The following AFF1 variants were observed in gnomAD, a reference collection of about 807,000 sequenced individuals.
AFF1 encodes the protein AF4/FMR2 family member 1.
In AFF1, 48 loss-of-function variants were observed where a neutral mutation model predicts 121.7. The ratio of observed to expected loss-of-function variants is 0.39; its 90% CI spans 0.31 to 0.50. The LOEUF (loss-of-function observed/expected upper bound fraction) is 0.50, where lower values mean the gene tolerates loss of function less well. AFF1 is among the 20% of genes least tolerant of loss of function. The pLI is 0.76. For missense variants in AFF1, 1,523 were observed against 1,511.7 expected (o/e 1.01, Z -0.12); for synonymous variants, 613 against 563.0 (o/e 1.09, Z -1.26).
intron 2 of AFF1, among the ~76,000 whole-genome samples, chr4:87,032,075 G>A (rs953189752): frequency 6.6e-6 from 1 of 152,200 alleles, no homozygotes; most frequent in Non-Finnish European, 1.5e-5. Flanking sequence ...GACAAGCTTT[G>A]TAAGGCTCAC....
rs763452108 is a variant in AFF1 at position 87,047,185 on chromosome 4, C to A, written c.650C>A (p.Pro217His). 1.2e-6 allele frequency: 2 copies of A among 1,614,082 alleles called. No homozygotes were observed. The highest frequency in any genetic ancestry group is 1.7e-6 in the Non-Finnish European group (2 of 1,180,042). Residue 217 changes from proline to histidine, a missense_variant, in exon 4 of 21, where the codon CCT becomes CAT. Physicochemically the swap from Pro to His is moderately conservative, Grantham distance 77 (BLOSUM62 -2). This residue lies in a region of AFF1 where 369 missense variants were observed against 367.2 expected (regional missense o/e 1.00). Transcript: ENST00000395146. ...PLISLPSPVP[P>H]LSPIHSNQQT... is the part of the protein sequence containing the mutation. ...ATCTCTTTGCCTTCCCCAGTTCCCC[C>A]TTTGTCACCTATACATTCCAACCAG...
At chr4:87,067,740 CAT>C (rs1192907226) in intron 4 of AFF1, among the ~76,000 whole-genome samples, 8 of 152,140 alleles carry the variant, frequency 5.3e-5, no homozygotes, top group Admixed American at 2.0e-4. Context: ...TCTTTGGAAA[CAT>C]GTGTTTCTAA....
At chr4:87,044,485 T>C (rs1417261814) in intron 2 of AFF1, among the ~76,000 whole-genome samples, 2 of 152,196 alleles carry the variant, frequency 1.3e-5, no homozygotes, top group African/African-American at 4.8e-5. Flanking sequence ...GGTAAGCACA[T>C]ACTTGGTGGA....
At chr4:87,126,050 T>C in intron 13 of AFF1, 49 bp from the exon 14 acceptor site, 1 of 1,564,568 alleles carries the variant, frequency 6.4e-7, no homozygotes, top group Non-Finnish European at 8.8e-7. Context: ...ACGAAGCCGC[T>C]TGATGTGTAC....
chr4:87,098,123 A>C (rs1725056844), intron 8 of AFF1, among the ~76,000 whole-genome samples: 1 of 152,206 alleles, frequency 6.6e-6, no homozygotes, highest in Non-Finnish European at 1.5e-5. Context: ...GTGGAATAGG[A>C]CATATAAGAG....
At chr4:87,134,251 T>C (rs1048328960) in intron 19 of AFF1, among the ~76,000 whole-genome samples, 1 of 152,170 alleles carries the variant, frequency 6.6e-6, no homozygotes, top group African/African-American at 2.4e-5. Context: ...GCAGAGGAAG[T>C]AGACTATGCG....
chr4:86,996,206 C>G (rs1384726900), intron 2 of AFF1, among the ~76,000 whole-genome samples: 1 of 152,190 alleles, frequency 6.6e-6, no homozygotes, highest in Non-Finnish European at 1.5e-5. Flanking sequence ...GCCTGGCCAC[C>G]ACCCCGTCTG....
At chr4:87,003,784 A>T (rs1004506746) in intron 2 of AFF1, among the ~76,000 whole-genome samples, 1 of 152,216 alleles carries the variant, frequency 6.6e-6, no homozygotes, top group African/African-American at 2.4e-5. Flanking sequence ...AACAGCCACC[A>T]AAAAATTATT....
chr4:87,093,242 CACCAGCTGCTT>C (rs1724495965), intron 7 of AFF1, among the ~76,000 whole-genome samples: 1 of 152,132 alleles, frequency 6.6e-6, no homozygotes, highest in African/African-American at 2.4e-5. Context: ...GGTCCTGGCT[CACCAGCTGCTT>C]ACCCCCACAT....
At chr4:87,001,285 C>T (rs576544787) in intron 2 of AFF1, among the ~76,000 whole-genome samples, 33 of 123,862 alleles carry the variant, frequency 2.7e-4, no homozygotes, top group African/African-American at 8.2e-4. Context: ...GGTGCAATCT[C>T]GGCTCACTGC....
Position 87,138,659 on chromosome 4 carries a change from G to A in AFF1, c.*2958G>A, listed in dbSNP as rs555452443. On this transcript the variant is annotated 3_prime_UTR_variant, in exon 21 of 21. Coordinates refer to ENST00000395146, the MANE Select transcript of AFF1 (RefSeq NM_001166693.3). Reference sequence around the variant, plus strand: ...TACTAAAATTTATCAAATTATACTGGGTTCGGATTGTGAAAACATTGGCCA... The same window carrying A: ...TACTAAAATTTATCAAATTATACTGAGTTCGGATTGTGAAAACATTGGCCA... 1.3e-3 allele frequency: 306 copies of A among 228,780 alleles called. 2 individuals are homozygous for A. Among genetic ancestry groups the A allele is most frequent in the Admixed American group, 1.8e-3 (32 of 17,524 alleles). 14.2% of individuals were successfully genotyped at this position (228,780 alleles called of 1,614,324 possible). A position where few individuals can be genotyped will look rare whatever the true frequency, so the allele number is the denominator to read the frequency against.
chr4:87,081,791 T>A (rs1454373976), intron 4 of AFF1, among the ~76,000 whole-genome samples: 2 of 152,204 alleles, frequency 1.3e-5, no homozygotes, highest in African/African-American at 4.8e-5. Flanking sequence ...AGACCTTATT[T>A]AGAATTTTAA....
chr4:87,125,260 A>G (rs556771939), intron 13 of AFF1, 117 bp downstream of exon 13: 14 of 619,926 alleles, frequency 2.3e-5, no homozygotes, highest in Non-Finnish European at 3.4e-5. Context: ...ACTCAAGCTC[A>G]TTTGGACAAT....
At chr4:87,006,806 G>T (rs1014723002) in intron 2 of AFF1, among the ~76,000 whole-genome samples, 1 of 152,232 alleles carries the variant, frequency 6.6e-6, no homozygotes, top group Non-Finnish European at 1.5e-5. Context: ...GCTCGGCCGG[G>T]GACCAGCAGG....
intron 1 of AFF1, among the ~76,000 whole-genome samples, chr4:86,938,677 A>G (rs1720228973): frequency 6.6e-6 from 1 of 152,208 alleles, no homozygotes; most frequent in South Asian, 2.1e-4. Flanking sequence ...TCTGTAATCC[A>G]TTTATTAAAA....
In AFF1 at chr4:87,137,039, G is replaced by A. The variant is rs999009103; in HGVS notation, c.*1338G>A. 4 of 223,888 alleles carry A rather than the reference G, an allele frequency of 1.8e-5. No individual in the cohort carries two copies. Among genetic ancestry groups the A allele is most frequent in the African/African-American group, 6.7e-5 (3 of 44,792 alleles). The allele number at this position is 223,888 out of a possible 1,614,324, so 13.9% of individuals were successfully genotyped here. ...TCCATTTTGAATGACCTAAAATGAA[G>A]TAACACAATCAGAAATCCCATGTGC... On this transcript the variant is annotated 3_prime_UTR_variant, in exon 21 of 21. Coordinates refer to ENST00000395146, the MANE Select transcript of AFF1 (RefSeq NM_001166693.3).
At chr4:86,990,522 C>T (rs1724618333) in intron 2 of AFF1, among the ~76,000 whole-genome samples, 1 of 151,934 alleles carries the variant, frequency 6.6e-6, no homozygotes, top group Non-Finnish European at 1.5e-5. Flanking sequence ...TTCTTGAGTC[C>T]CTGGAGTACC....
chr4:86,953,059 AT>A (rs1468710546), intron 2 of AFF1, among the ~76,000 whole-genome samples: 2 of 150,782 alleles, frequency 1.3e-5, no homozygotes, highest in African/African-American at 2.4e-5. Flanking sequence ...TCTATGACAT[AT>A]TTTTTTTGTT....
intron 2 of AFF1, among the ~76,000 whole-genome samples, chr4:86,957,001 C>T (rs1721789087): frequency 6.6e-6 from 1 of 152,148 alleles, no homozygotes; most frequent in African/African-American, 2.4e-5. Flanking sequence ...TGTTTATTTG[C>T]ATGTACTTTT....
Sources: gnomAD v4.1 joint callset for allele counts (sites outside exome capture counted in the v4.1 genomes callset) on GRCh38, gnomAD v4.1.1 for gene constraint, gnomAD v4.1.1 regional missense constraint, MANE v1.5 for transcripts, NCBI Gene and HGNC (gene_info 2026-07-23, HGNC 2026-07-21) for gene names.